TSHZ1: variants seen among roughly 807,000 people sequenced by gnomAD.
TSHZ1 encodes teashirt zinc finger homeobox 1, also known as teashirt homolog 1.
TSHZ1 carries 12 observed loss-of-function variants against 67.1 expected under a neutral mutation model. The ratio of observed to expected loss-of-function variants is 0.18; its 90% CI spans 0.11 to 0.29. The LOEUF is 0.29. Ranked by LOEUF, TSHZ1 falls within the 10% of genes least tolerant of loss-of-function variation. The pLI, the probability that TSHZ1 is intolerant of heterozygous loss-of-function variation, is 1.00. For synonymous variants in TSHZ1, 632 were observed against 622.4 expected (o/e 1.02, Z -0.23); for missense variants, 1,305 against 1,413.9 (o/e 0.92, Z 1.23).
At chr18:75,219,882 G>A (rs1205889387) in intron 1 of TSHZ1, among the ~76,000 whole-genome samples, 1 of 152,214 alleles carries the variant, frequency 6.6e-6, no homozygotes, top group Admixed American at 6.5e-5. Flanking sequence ...AACAGGACTT[G>A]TTCTCATACC....
At chr18:75,258,890 T>C (rs2023395958) in intron 1 of TSHZ1, among the ~76,000 whole-genome samples, 1 of 152,202 alleles carries the variant, frequency 6.6e-6, no homozygotes, top group Non-Finnish European at 1.5e-5. Flanking sequence ...TACTCACATG[T>C]TCTTAACTTG....
At chr18:75,285,398 C>G in intron 1 of TSHZ1, 50 bp from the exon 2 acceptor site, 1 of 1,420,532 alleles carries the variant, frequency 7.0e-7, no homozygotes, top group East Asian at 2.5e-5. Flanking sequence ...GAGGCTGTCT[C>G]TTTGAAGATG....
intron 1 of TSHZ1, among the ~76,000 whole-genome samples, chr18:75,235,983 C>T (rs1226623001): frequency 6.6e-6 from 1 of 152,204 alleles, no homozygotes; most frequent in Admixed American, 6.5e-5. Context: ...ACCTTGCCTC[C>T]ACACCCACAT....
rs2023823441 is a variant in TSHZ1 at position 75,288,829 on chromosome 18, T to C, written c.*188T>C. On this transcript the variant is annotated 3_prime_UTR_variant, in exon 2 of 2. Transcript: ENST00000580243. This position sits in a 1 kb window ranked among gnomAD's most constrained non-coding sequence, Gnocchi z 4.9. ...GATCTGTGCATGTTATTTTTCTTTT[T>C]CCGTGAGTCAAAGTCTGACCTTTAT... 2.0e-6 allele frequency: 2 copies of C among 981,426 alleles called. No homozygotes were observed. Among genetic ancestry groups the C allele is most frequent in the Non-Finnish European group, 2.8e-6 (2 of 717,716 alleles). The allele number at this position is 981,426 out of a possible 1,614,324, so 60.8% of individuals were successfully genotyped here.
intron 1 of TSHZ1, among the ~76,000 whole-genome samples, chr18:75,218,544 G>C (rs1354023318): frequency 6.6e-6 from 1 of 152,198 alleles, no homozygotes; most frequent in African/African-American, 2.4e-5. Flanking sequence ...AATCTTCTAC[G>C]AGACTATGGT....
At chr18:75,238,976 G>C (rs1298142909) in intron 1 of TSHZ1, among the ~76,000 whole-genome samples, 1 of 152,182 alleles carries the variant, frequency 6.6e-6, no homozygotes, top group Non-Finnish European at 1.5e-5. Flanking sequence ...GCACTGTCCA[G>C]CTTCCCCTCT....
chr18:75,281,765 C>A lies in TSHZ1; in HGVS notation c.41-3683C>A, dbSNP rs80330593. 2.9e-3 allele frequency among the ~76,000 whole-genome samples: 442 copies of A among 152,188 alleles called. 1 individual carries two copies. Among genetic ancestry groups the A allele is most frequent in the South Asian group, 7.7e-3 (37 of 4,822 alleles). On this transcript the variant is annotated intron_variant, in intron 1 of 1. Transcript: ENST00000580243. The surrounding 1 kb of genome is among the most constrained non-coding windows in gnomAD (Gnocchi z 5.3). ...GAGGGCCACATGCTGCTCATGGGTG[C>A]AACCGGGTGGGGAGTGAGAAGTTGC...
Position 75,287,724 on chromosome 18 carries a change from A to G in TSHZ1, c.2317A>G (p.Met773Val). 6.2e-7 allele frequency: 1 copy of G among 1,614,122 alleles called. No homozygotes were observed. The highest frequency in any genetic ancestry group is 1.1e-5 in the South Asian group (1 of 91,078). The change falls in exon 2 of 2, where the codon ATG (methionine) becomes GTG (valine). Residue 773 changes from methionine (M) to valine (V), a missense_variant. Met to Val is a conservative substitution (Grantham distance 21). Around this residue, in one of 3 missense-constraint regions of TSHZ1, gnomAD observed 909 missense variants for 961.8 expected, o/e 0.95. Coordinates refer to ENST00000580243, the MANE Select transcript of TSHZ1 (RefSeq NM_001308210.2). This position sits in a 1 kb window ranked among gnomAD's most constrained non-coding sequence, Gnocchi z 5.0. ...GAGTCCCTCGCTGGACCCGCTGGCGATGCTGTACAAGATCAGCAACAGCAT... is the reference window on the plus strand; with the variant it reads ...GAGTCCCTCGCTGGACCCGCTGGCGGTGCTGTACAAGATCAGCAACAGCAT... Reference protein sequence around the residue: ...PVSPSLDPLAMLYKISNSMLD... With the variant: ...PVSPSLDPLAVLYKISNSMLD...
At chr18:75,234,232 A>T (rs548968246) in intron 1 of TSHZ1, among the ~76,000 whole-genome samples, 13 of 152,222 alleles carry the variant, frequency 8.5e-5, no homozygotes, top group Non-Finnish European at 1.8e-4. Flanking sequence ...GGAGCCCTTT[A>T]TTCAGAACTG....
intron 1 of TSHZ1, among the ~76,000 whole-genome samples, chr18:75,235,760 A>G (rs1488726707): frequency 6.6e-6 from 1 of 152,206 alleles, no homozygotes; most frequent in African/African-American, 2.4e-5. Context: ...TGAATATGGG[A>G]AACAAAAATT....
chr18:75,273,821 A>G (rs1002813845), intron 1 of TSHZ1, among the ~76,000 whole-genome samples: 2 of 152,234 alleles, frequency 1.3e-5, no homozygotes, highest in African/African-American at 4.8e-5. Flanking sequence ...TTAATTAAAG[A>G]ATGAAGTCTA....
chr18:75,237,788 T>TTTTATTTATTTATTTA lies in TSHZ1; in HGVS notation c.40+25874_40+25875insTATTTATTTATTTATT, dbSNP rs1290756952. On this transcript the variant is annotated intron_variant, in intron 1 of 1. Coordinates refer to ENST00000580243, the MANE Select transcript of TSHZ1 (RefSeq NM_001308210.2). ...ATGAATTAGACTGAAGCCTTCTTTC[T>TTTTATTTATTTATTTA]TTCATTTATTTATTTATTTATTTAT... is the stretch of plus-strand genomic sequence containing the variant. Among the ~76,000 whole-genome samples the TTTTATTTATTTATTTA allele has an allele frequency of 2.5e-4, 22 of 87,808 alleles. No homozygotes were observed. The South Asian group carries it at 3.9e-3, about 16-fold the overall frequency. 57.6% of individuals were successfully genotyped at this position (87,808 alleles called of 152,430 possible).
At chr18:75,234,720 A>C (rs1175336492) in intron 1 of TSHZ1, among the ~76,000 whole-genome samples, 1 of 152,194 alleles carries the variant, frequency 6.6e-6, no homozygotes, top group Non-Finnish European at 1.5e-5. Flanking sequence ...TATTTCTATT[A>C]ACTTTCCTGT....
intron 1 of TSHZ1, among the ~76,000 whole-genome samples, chr18:75,212,167 G>C (rs891188468): frequency 2.0e-5 from 3 of 152,166 alleles, no homozygotes; most frequent in Non-Finnish European, 4.4e-5. Flanking sequence ...CCGGATGGCC[G>C]GGGGAGGCCG....
Position 75,289,898 on chromosome 18 carries a change from A to G in TSHZ1, c.*1257A>G, listed in dbSNP as rs1329714878. 5 of 167,066 alleles carry G rather than the reference A, an allele frequency of 3.0e-5. No homozygotes were observed. Among genetic ancestry groups the G allele is most frequent in the Non-Finnish European group, 5.9e-5 (4 of 68,118 alleles). The allele number at this position is 167,066 out of a possible 1,614,324, so 10.3% of individuals were successfully genotyped here. ...CATTTTGGTTCACACAATTAAATCC[A>G]CTGTTTTCTCAGATGTAAAATAAAC... On this transcript the variant is annotated 3_prime_UTR_variant, in exon 2 of 2. Coordinates refer to ENST00000580243, the MANE Select transcript of TSHZ1 (RefSeq NM_001308210.2).
rs1198788782 is a variant in TSHZ1, at chr18:75,289,811, CAAAG to C, written c.*1171_*1174del. 2 of 167,052 alleles carry C rather than the reference CAAAG, an allele frequency of 1.2e-5. No individual in the cohort carries two copies. The highest frequency in any genetic ancestry group is 2.1e-4 in the South Asian group (1 of 4,836). 10.3% of individuals were successfully genotyped at this position (167,052 alleles called of 1,614,324 possible). A position where few individuals can be genotyped will look rare whatever the true frequency, so the allele number is the denominator to read the frequency against. On this transcript the variant is annotated 3_prime_UTR_variant, in exon 2 of 2. Coordinates refer to ENST00000580243, the MANE Select transcript of TSHZ1 (RefSeq NM_001308210.2). The stretch of plus-strand genomic sequence containing the variant: ...TCAGACAAAAATAAATACATAAAAA[CAAAG>C]CAAGCAATGCACTATTAATTATACA...
rs12458272 is a variant in TSHZ1 at position 75,230,233 on chromosome 18, G to A, written c.40+18317G>A. On this transcript the variant is annotated intron_variant, in intron 1 of 1. Transcript: ENST00000580243. Reference sequence around the variant, plus strand: ...GGTCTCCTGCCATCTTTGTGATGTAGGACTGCCGTTTCCTGATTAAAAGCT... The same window carrying A: ...GGTCTCCTGCCATCTTTGTGATGTAAGACTGCCGTTTCCTGATTAAAAGCT... Among the ~76,000 whole-genome samples, 637 of 152,262 alleles carry A rather than the reference G, an allele frequency of 4.2e-3. 10 individuals are homozygous for A. Among genetic ancestry groups the A allele is most frequent in the Admixed American group, 0.018 (280 of 15,298 alleles).
intron 1 of TSHZ1, among the ~76,000 whole-genome samples, chr18:75,226,178 G>A (rs1273746674): frequency 6.6e-6 from 1 of 152,178 alleles, no homozygotes; most frequent in Non-Finnish European, 1.5e-5. Flanking sequence ...AAGCAAATAA[G>A]TCCTGATGGG....
intron 1 of TSHZ1, among the ~76,000 whole-genome samples, chr18:75,257,842 G>C (rs2023380400): frequency 6.6e-6 from 1 of 152,172 alleles, no homozygotes; most frequent in Non-Finnish European, 1.5e-5. Flanking sequence ...CTGTGAGCTT[G>C]GGTGCCTCAT....
Sources: allele counts gnomAD v4.1 joint callset (sites outside exome capture counted in the v4.1 genomes callset), GRCh38; gene constraint gnomAD v4.1.1; regional missense constraint gnomAD v4.1.1; non-coding constraint Gnocchi (gnomAD v3.1); transcripts MANE v1.5; gene names NCBI Gene and HGNC (gene_info 2026-07-23, HGNC 2026-07-21).